Variants in CAPN12 observed in about 807,000 individuals in gnomAD.
CAPN12 encodes the protein calpain-12.
In CAPN12, 107 loss-of-function variants were observed where a neutral mutation model predicts 95.0. The observed-to-expected ratio is 1.13, with a 90% CI of 0.96 to 1.32. CAPN12 has a LOEUF of 1.32. CAPN12 is among the 40% of genes most tolerant of loss of function. CAPN12 has a pLI of 0.00. For synonymous variants in CAPN12, 505 were observed against 415.5 expected, an observed-to-expected ratio of 1.22 and a Z score of -2.62; for missense variants, 1,136 against 997.8, an observed-to-expected ratio of 1.14 and a Z score of -1.87.
At chr19:38,734,592 A>AGCCTT (rs1431734431) in intron 15 of CAPN12, 3 of 653,920 alleles carry the variant, frequency 4.6e-6, no homozygotes, top group Admixed American at 6.0e-5. Context: ...TGCTCAAGGC[A>AGCCTT]GCCTTGCCTT....
rs1381336484 is a variant in CAPN12, at chr19:38,730,765, G to A, written c.*87C>T. The stretch of plus-strand genomic sequence containing the variant: ...GCCCCAGACAGGTGGATGCCAGAGA[G>A]AGTGGCACCCATGCCAGGCAAGGCC... On this transcript the variant is annotated 3_prime_UTR_variant, in exon 21 of 21. Transcript: ENST00000328867. 10 of 1,479,784 alleles carry A rather than the reference G, an allele frequency of 6.8e-6. No individual in the cohort carries two copies. Among genetic ancestry groups the A allele is most frequent in the Admixed American group, 2.0e-5 (1 of 50,890 alleles). The allele number at this position is 1,479,784 out of a possible 1,614,324, so 91.7% of individuals were successfully genotyped here. A position where few individuals can be genotyped will look rare whatever the true frequency, so the allele number is the denominator to read the frequency against.
chr19:38,732,961 C>T (rs957872928), intron 18 of CAPN12, among the ~76,000 whole-genome samples: 4 of 152,188 alleles, frequency 2.6e-5, no homozygotes, highest in Non-Finnish European at 5.9e-5. Context: ...CTTGTTCCAG[C>T]TCATCAGGAG....
chr19:38,734,374 G>A lies in CAPN12; in HGVS notation c.1760C>T (p.Ser587Phe). ...CCTGAGCCCGATCTCTCTGGGGGTG[G>A]AGGTATGGGCCCTGGCTACAGGAAA... ...IALEPARAHT[S>F]TPREIGLRTC... is the part of the protein sequence containing the mutation. The change falls in exon 16 of 21, where the codon TCC (serine) becomes TTC (phenylalanine). Residue 587 changes from serine to phenylalanine, a missense_variant. Coordinates refer to ENST00000328867, the MANE Select transcript of CAPN12 (RefSeq NM_144691.4). 2 of 1,603,800 alleles carry A rather than the reference G, an allele frequency of 1.2e-6. No individual in the cohort carries two copies. Among genetic ancestry groups the A allele is most frequent in the Non-Finnish European group, 1.7e-6 (2 of 1,174,692 alleles).
chr19:38,738,862 G>A (rs1044025723), intron 5 of CAPN12: 8 of 591,936 alleles, frequency 1.4e-5, no homozygotes, highest in Admixed American at 5.9e-5. Context: ...ATGGAGGTAC[G>A]GGCTCACGCC....
intron 9 of CAPN12, 24 bp from the exon 10 acceptor site, chr19:38,737,412 G>T (rs1235904817): frequency 6.2e-7 from 1 of 1,608,942 alleles, no homozygotes; most frequent in African/African-American, 1.3e-5. Context: ...AAAAAAGGGG[G>T]TTTCCTAGCC....
In CAPN12 at chr19:38,735,342, A is replaced by G. The variant is rs766328101; in HGVS notation, c.1686+28T>C. On this transcript the variant is annotated intron_variant, in intron 14 of 20. Coordinates refer to ENST00000328867, the MANE Select transcript of CAPN12 (RefSeq NM_144691.4). ...CCCCAAGGGGAGGCCGCAGCGGGAT[A>G]CCCCCTCAGTCCAATCCCCCTCCTC... 11 of 1,520,220 alleles carry G rather than the reference A, an allele frequency of 7.2e-6. No homozygotes were observed. In the South Asian group the frequency reaches 1.0e-4, roughly 14 times the overall value. The allele number at this position is 1,520,220 out of a possible 1,614,324, so 94.2% of individuals were successfully genotyped here. A position where few individuals can be genotyped will look rare whatever the true frequency, so the allele number is the denominator to read the frequency against.
chr19:38,738,873 T>C (rs1377740761), intron 5 of CAPN12: 21 of 578,300 alleles, frequency 3.6e-5, no homozygotes, highest in South Asian at 3.6e-4. Context: ...GGCTCACGCC[T>C]GTAATCCCAG....
Position 38,730,845 on chromosome 19 carries a change from G to A in CAPN12, c.*7C>T, listed in dbSNP as rs778223713. On this transcript the variant is annotated 3_prime_UTR_variant, in exon 21 of 21. Transcript: ENST00000328867. ...CCCTGAGCAGCAGGTGCGCCCATCCGGAGATCCTAGGAGAAGGTGGCCACC... is the reference window on the plus strand; with the variant it reads ...CCCTGAGCAGCAGGTGCGCCCATCCAGAGATCCTAGGAGAAGGTGGCCACC... 6.4e-5 allele frequency: 100 copies of A among 1,550,922 alleles called. No homozygotes were observed. The highest frequency in any genetic ancestry group is 1.7e-4 in the Middle Eastern group (1 of 6,014).
chr19:38,731,567 A>AAAT, intron 18 of CAPN12: 2 of 352,398 alleles, frequency 5.7e-6, no homozygotes, highest in South Asian at 6.3e-5. Flanking sequence ...GTGCAGCAAA[A>AAAT]AATATAGTCA....
intron 10 of CAPN12, 61 bp from the exon 11 acceptor site, chr19:38,736,624 TC>T: frequency 7.2e-7 from 1 of 1,380,968 alleles, no homozygotes; most frequent in Non-Finnish European, 9.8e-7. Flanking sequence ...GCTCAGGGTC[TC>T]CTCCCTGCCC....
In CAPN12 at chr19:38,736,777, T is replaced by C. The variant is rs932831537; in HGVS notation, c.1363-214A>G. On this transcript the variant is annotated intron_variant, in intron 10 of 20. Transcript: ENST00000328867. Reference sequence around the variant, plus strand: ...ATCTGCGCTCCCAGCGCCTTCTCTGTATCCTTGGTCCCCTCTGGCCCTTCT... The same window carrying C: ...ATCTGCGCTCCCAGCGCCTTCTCTGCATCCTTGGTCCCCTCTGGCCCTTCT... 6.4e-6 allele frequency: 4 copies of C among 625,240 alleles called. 1 individual carries two copies. The highest frequency in any genetic ancestry group is 8.3e-6 in the Non-Finnish European group (3 of 362,558). 38.7% of individuals were successfully genotyped at this position (625,240 alleles called of 1,614,324 possible).
intron 1 of CAPN12, 58 bp from the exon 2 acceptor site, chr19:38,743,160 C>T: frequency 1.2e-6 from 2 of 1,602,586 alleles, no homozygotes; most frequent in Non-Finnish European, 1.7e-6. Context: ...AGGTCTCATC[C>T]AGAGGAGTGA....
Position 38,741,772 on chromosome 19 carries a change from C to A in CAPN12, c.560+5G>T, listed in dbSNP as rs765329322. On this transcript the variant is annotated splice_donor_5th_base_variant and intron_variant, in intron 4 of 20. Transcript: ENST00000328867. ...GCTGCAGCTGGTTGGAACTGGGGTC[C>A]TCACTTGGCGTAGGCCTTCTCCAGG... The A allele has an allele frequency of 6.2e-7, 1 of 1,613,820 alleles. No individual in the cohort carries two copies. The highest frequency in any genetic ancestry group is 8.5e-7 in the Non-Finnish European group (1 of 1,179,958).
intron 2 of CAPN12, 52 bp from the exon 3 acceptor site, chr19:38,742,580 C>G (rs1216321655): frequency 2.3e-5 from 31 of 1,327,992 alleles, no homozygotes; most frequent in Non-Finnish European, 3.3e-5. Context: ...AGGCCTGGTG[C>G]GGTGGCTCAT....
At position 38,736,336 on chromosome 19, in the gene CAPN12, T is replaced by C; in HGVS notation, c.1375-18A>G. 6.9e-7 allele frequency: 1 copy of C among 1,450,732 alleles called. No homozygotes were observed. 89.9% of individuals were successfully genotyped at this position (1,450,732 alleles called of 1,614,324 possible). ...CCCAGCAGCTGGGGACGGGGCGGCA[T>C]GACCACGGACCAGGCTCACCCCCGG... On this transcript the variant is annotated intron_variant, in intron 11 of 20. Transcript: ENST00000328867.
At chr19:38,744,547 C>G, upstream of CAPN12, 1 of 307,688 alleles carries the variant, frequency 3.3e-6, no homozygotes, top group South Asian at 3.6e-5. Flanking sequence ...GTGTCTCTAT[C>G]TCTCAGACTG....
rs1341393739 is a variant in CAPN12 at position 38,736,293 on chromosome 19, CG to C, written c.1399del (p.Arg467AlafsTer23). 2 of 1,440,118 alleles carry C rather than the reference CG, an allele frequency of 1.4e-6. No individual in the cohort carries two copies. Among genetic ancestry groups the C allele is most frequent in the Admixed American group, 5.7e-5 (2 of 35,176 alleles). 89.2% of individuals were successfully genotyped at this position (1,440,118 alleles called of 1,614,324 possible). A position where few individuals can be genotyped will look rare whatever the true frequency, so the allele number is the denominator to read the frequency against. Reference protein sequence around the residue: ...EELLGLWDSPRSHALLPRLLR... With the variant: ...EELLGLWDSPXSHALLPRLLR... ...CAGCCGGGGCAGGAGCGCATGGCTG[CG>C]CGGGGAATCCCAGAGGCCCAGCAGC... On this transcript the variant is annotated frameshift_variant, in exon 12 of 21. Transcript: ENST00000328867. LOFTEE classifies it high-confidence loss of function.
At chr19:38,732,721 C>T (rs1969719880) in intron 18 of CAPN12, among the ~76,000 whole-genome samples, 1 of 152,226 alleles carries the variant, frequency 6.6e-6, no homozygotes, top group African/African-American at 2.4e-5. Context: ...GGCTCTCCGA[C>T]TCCATCACAG....
intron 10 of CAPN12, chr19:38,736,819 C>T (rs1970209622): frequency 3.4e-6 from 2 of 588,782 alleles, no homozygotes; most frequent in Non-Finnish European, 6.0e-6. Flanking sequence ...CAGCCTCTCT[C>T]TGTCCCTAAC....
Sources: gnomAD v4.1 joint callset for allele counts (sites outside exome capture counted in the v4.1 genomes callset) on GRCh38, gnomAD v4.1.1 for gene constraint, MANE v1.5 for transcripts, NCBI Gene and HGNC (gene_info 2026-07-23, HGNC 2026-07-21) for gene names.